Variants in KCNQ3 observed in about 807,000 individuals in gnomAD.
KCNQ3 encodes potassium voltage-gated channel subfamily Q member 3, also known as potassium voltage-gated channel subfamily KQT member 3.
A neutral mutation model predicts 92.5 loss-of-function variants in KCNQ3; 30 were observed. The observed-to-expected ratio is 0.32, with a 90% CI of 0.24 to 0.44. The LOEUF is 0.44. Ranked by LOEUF, KCNQ3 falls within the 20% of genes least tolerant of loss-of-function variation. The pLI, the probability that KCNQ3 is intolerant of heterozygous loss-of-function variation, is 1.00. For missense variants in KCNQ3, 913 were observed against 1,140.3 expected (o/e 0.80, Z 2.87); for synonymous variants, 450 against 468.8 (o/e 0.96, Z 0.52).
intron 1 of KCNQ3, among the ~76,000 whole-genome samples, chr8:132,242,763 C>T (rs565095512): frequency 2.0e-3 from 309 of 152,304 alleles, no homozygotes; most frequent in Non-Finnish European, 3.0e-3. Flanking sequence ...TAATCTGAAT[C>T]CCCAGGGCTT....
intron 1 of KCNQ3, among the ~76,000 whole-genome samples, chr8:132,454,073 G>A (rs760387567): frequency 2.6e-5 from 4 of 152,226 alleles, no homozygotes; most frequent in Admixed American, 2.0e-4. Context: ...CATTTCACGC[G>A]TGGCTCTTAC....
rs1235363342 is a variant in KCNQ3 at position 132,126,208 on chromosome 8, G to A, written c.*3054C>T. 6.6e-6 allele frequency: 1 copy of A among 152,142 alleles called. No homozygotes were observed. Among genetic ancestry groups the A allele is most frequent in the Non-Finnish European group, 1.5e-5 (1 of 68,032 alleles). The allele number at this position is 152,142 out of a possible 1,614,324, so 9.4% of individuals were successfully genotyped here. A position where few individuals can be genotyped will look rare whatever the true frequency, so the allele number is the denominator to read the frequency against. ...TCTGCTGAAACGATTGCAATTTCTT[G>A]GGCAAGTTTCAGAACGACTAGTATA... On this transcript the variant is annotated 3_prime_UTR_variant, in exon 15 of 15. Transcript: ENST00000388996.
At chr8:132,218,672 A>C (rs917447772) in intron 1 of KCNQ3, among the ~76,000 whole-genome samples, 2 of 152,202 alleles carry the variant, frequency 1.3e-5, no homozygotes, top group Non-Finnish European at 2.9e-5. Flanking sequence ...GGGAGGTCAA[A>C]ATCTGGTATG....
intron 1 of KCNQ3, among the ~76,000 whole-genome samples, chr8:132,430,818 G>A (rs1821230029): frequency 6.6e-6 from 1 of 152,144 alleles, no homozygotes; most frequent in African/African-American, 2.4e-5. Flanking sequence ...CTCAGTGGTG[G>A]TTCCGTTTGT....
intron 1 of KCNQ3, among the ~76,000 whole-genome samples, chr8:132,254,037 G>C (rs1815497384): frequency 6.6e-6 from 1 of 152,232 alleles, no homozygotes; most frequent in South Asian, 2.1e-4. Context: ...CAAAGCACCT[G>C]AATCTTTAGG....
intron 1 of KCNQ3, among the ~76,000 whole-genome samples, chr8:132,402,767 C>T (rs766280870): frequency 9.9e-5 from 15 of 152,048 alleles, no homozygotes; most frequent in Non-Finnish European, 1.5e-4. Flanking sequence ...CCTGTAATCC[C>T]GGCACTTTGA....
At chr8:132,187,880 T>A (rs550321904) in intron 1 of KCNQ3, among the ~76,000 whole-genome samples, 1,151 of 93,512 alleles carry the variant, frequency 0.012, 7 homozygotes, top group Non-Finnish European at 0.019. Context: ...GTGATAGTGA[T>A]GGTGGCGGTG....
At chr8:132,393,272 G>C (rs983258533) in intron 1 of KCNQ3, among the ~76,000 whole-genome samples, 1 of 152,172 alleles carries the variant, frequency 6.6e-6, no homozygotes, top group Non-Finnish European at 1.5e-5. Flanking sequence ...AATGAAAACA[G>C]AGCACAGCTT....
At chr8:132,209,349 G>A (rs1248317496) in intron 1 of KCNQ3, among the ~76,000 whole-genome samples, 1 of 152,138 alleles carries the variant, frequency 6.6e-6, no homozygotes, top group Non-Finnish European at 1.5e-5. Flanking sequence ...ACTTGGAGAA[G>A]ATGGTTGGTG....
intron 1 of KCNQ3, among the ~76,000 whole-genome samples, chr8:132,227,886 A>G (rs1170801445): frequency 1.3e-5 from 2 of 152,200 alleles, no homozygotes; most frequent in Admixed American, 1.3e-4. Flanking sequence ...GAATGTCTTC[A>G]CAGAACCTGA....
intron 1 of KCNQ3, among the ~76,000 whole-genome samples, chr8:132,224,168 C>A (rs1405738383): frequency 7.2e-6 from 1 of 139,362 alleles, no homozygotes; most frequent in Non-Finnish European, 1.5e-5. Flanking sequence ...CTCCTGGCCT[C>A]AAGTGATTCT....
chr8:132,166,445 C>A (rs1157414007), intron 8 of KCNQ3, among the ~76,000 whole-genome samples: 1 of 152,148 alleles, frequency 6.6e-6, no homozygotes, highest in Non-Finnish European at 1.5e-5. Context: ...TCTTCCTGTA[C>A]CCCCTCGGAC....
intron 3 of KCNQ3, among the ~76,000 whole-genome samples, chr8:132,184,034 G>T (rs1826877278): frequency 6.6e-6 from 1 of 152,162 alleles, no homozygotes; most frequent in South Asian, 2.1e-4. Flanking sequence ...GTCCTGTGCA[G>T]TCCTTATAAG....
At chr8:132,463,127 A>G (rs1822099519) in intron 1 of KCNQ3, among the ~76,000 whole-genome samples, 1 of 152,232 alleles carries the variant, frequency 6.6e-6, no homozygotes, top group Non-Finnish European at 1.5e-5. Flanking sequence ...CTATGAAAGA[A>G]CCCAGACTAA....
intron 1 of KCNQ3, among the ~76,000 whole-genome samples, chr8:132,424,188 T>C (rs1418614018): frequency 4.7e-5 from 7 of 149,724 alleles, no homozygotes; most frequent in African/African-American, 2.5e-5. Flanking sequence ...CAGAATCAGC[T>C]GCTGCCTCTG....
chr8:132,214,377 A>C (rs1274645716), intron 1 of KCNQ3, among the ~76,000 whole-genome samples: 1 of 152,104 alleles, frequency 6.6e-6, no homozygotes, highest in Non-Finnish European at 1.5e-5. Flanking sequence ...CCTTCTTCTC[A>C]ACTTCCTTCC....
chr8:132,451,271 C>G (rs1821814866), intron 1 of KCNQ3, among the ~76,000 whole-genome samples: 1 of 152,222 alleles, frequency 6.6e-6, no homozygotes. Context: ...GATTGTGAGG[C>G]CTCCCCAGCC....
intron 1 of KCNQ3, among the ~76,000 whole-genome samples, chr8:132,311,440 T>A (rs1364897167): frequency 2.0e-5 from 3 of 152,146 alleles, no homozygotes; most frequent in East Asian, 1.9e-4. Context: ...GTGTAAACCG[T>A]CCTTAAGGAA....
chr8:132,192,668 A>C (rs1827195438), intron 1 of KCNQ3, among the ~76,000 whole-genome samples: 1 of 151,708 alleles, frequency 6.6e-6, no homozygotes, highest in Admixed American at 6.6e-5. Context: ...TTTTATTTTC[A>C]AGACGGAATC....
Sources: allele counts gnomAD v4.1 joint callset (sites outside exome capture counted in the v4.1 genomes callset), GRCh38; gene constraint gnomAD v4.1.1; transcripts MANE v1.5; gene names NCBI Gene and HGNC (gene_info 2026-07-23, HGNC 2026-07-21).